SLC25A42: variants seen among roughly 807,000 people sequenced by gnomAD.
SLC25A42 encodes solute carrier family 25 member 42, also known as mitochondrial coenzyme A transporter SLC25A42.
A neutral mutation model predicts 34.7 loss-of-function variants in SLC25A42; 19 were observed. The ratio of observed to expected loss-of-function variants is 0.55; its 90% CI spans 0.38 to 0.80. The LOEUF (loss-of-function observed/expected upper bound fraction) is 0.80, where lower values mean the gene tolerates loss of function less well. Among genes scored for constraint, SLC25A42 ranks in the 30% least tolerant of loss-of-function variants. The pLI is 0.00. For missense variants in SLC25A42, 364 were observed against 441.3 expected, an observed-to-expected ratio of 0.82 and a Z score of 1.57; for synonymous variants, 205 against 191.2, an observed-to-expected ratio of 1.07 and a Z score of -0.59.
In SLC25A42 at chr19:19,110,560, G is replaced by T. The variant is rs937321950; in HGVS notation, c.650-9G>T. Reference sequence around the variant, plus strand: ...CGCCTTCACGGCCCTCCCGCCCCTCGCCCTGCAGAGTACAGCGGCCGCCGG... The same window carrying T: ...CGCCTTCACGGCCCTCCCGCCCCTCTCCCTGCAGAGTACAGCGGCCGCCGG... On this transcript the variant is annotated splice_polypyrimidine_tract_variant and intron_variant, in intron 7 of 7. Transcript: ENST00000318596. The T allele has an allele frequency of 3.6e-6, 5 of 1,399,590 alleles. No individual in the cohort carries two copies. Among genetic ancestry groups the T allele is most frequent in the Admixed American group, 3.4e-5 (1 of 29,260 alleles). 86.7% of individuals were successfully genotyped at this position (1,399,590 alleles called of 1,614,324 possible). A position where few individuals can be genotyped will look rare whatever the true frequency, so the allele number is the denominator to read the frequency against.
Position 19,107,980 on chromosome 19 carries a change from T to C in SLC25A42, c.584T>C (p.Leu195Pro). Residue 195 changes from leucine (L) to proline (P), a missense_variant, in exon 7 of 8, where the codon CTG (leucine) becomes CCG (proline). Coordinates refer to ENST00000318596, the MANE Select transcript of SLC25A42 (RefSeq NM_178526.5). ...TACCATGGATTTATGCCCACCGTGC[T>C]GGGGGTCATTCCCTACGCTGGCCTG... ...TLYHGFMPTV[L>P]GVIPYAGLSF... 1 of 1,613,436 alleles carries C rather than the reference T, an allele frequency of 6.2e-7. No individual in the cohort carries two copies. Among genetic ancestry groups the C allele is most frequent in the Non-Finnish European group, 8.5e-7 (1 of 1,179,612 alleles).
At chr19:19,071,010 T>TTTTTTTA (rs397967500) in intron 1 of SLC25A42, among the ~76,000 whole-genome samples, 1 of 147,992 alleles carries the variant, frequency 6.8e-6, no homozygotes, top group African/African-American at 2.5e-5. Context: ...TTTTTTTTTT[T>TTTTTTTA]AATACAGGGT....
rs1168355397 is a variant in SLC25A42, at chr19:19,070,367, G to A, written c.-35+6252G>A. 7.2e-5 allele frequency among the ~76,000 whole-genome samples: 10 copies of A among 138,544 alleles called. 1 individual carries two copies. The highest frequency in any genetic ancestry group is 3.7e-4 in the Admixed American group (5 of 13,392). The allele number at this position is 138,544 out of a possible 152,430, so 90.9% of individuals were successfully genotyped here. A position where few individuals can be genotyped will look rare whatever the true frequency, so the allele number is the denominator to read the frequency against. ...GGCTGGAGTACAATGGTGTGATCTC[G>A]GCTCACCGCAACCTCCACCTCCCAG... is the stretch of plus-strand genomic sequence containing the variant. On this transcript the variant is annotated intron_variant, in intron 1 of 7. Coordinates refer to ENST00000318596, the MANE Select transcript of SLC25A42 (RefSeq NM_178526.5).
chr19:19,101,659 C>T, intron 2 of SLC25A42, 122 bp from the exon 3 acceptor site: 2 of 801,218 alleles, frequency 2.5e-6, no homozygotes, highest in Admixed American at 2.7e-5. Flanking sequence ...GGCCAACATA[C>T]TCAGGGTGGG....
intron 2 of SLC25A42, among the ~76,000 whole-genome samples, chr19:19,100,040 T>C (rs765829850): frequency 1.3e-5 from 2 of 151,620 alleles, no homozygotes; most frequent in Non-Finnish European, 2.9e-5. Context: ...ACTCTGGTCA[T>C]ATTAAAAATA....
At chr19:19,100,529 C>T (rs768309928) in intron 2 of SLC25A42, among the ~76,000 whole-genome samples, 10 of 152,046 alleles carry the variant, frequency 6.6e-5, no homozygotes, top group Non-Finnish European at 1.5e-4. Flanking sequence ...TCACCCTAGC[C>T]TCTGAGTATT....
At chr19:19,093,473 C>T (rs2059748629) in intron 1 of SLC25A42, among the ~76,000 whole-genome samples, 1 of 152,208 alleles carries the variant, frequency 6.6e-6, no homozygotes, top group Non-Finnish European at 1.5e-5. Context: ...ATTAATGGAG[C>T]TCCACACTTT....
intron 1 of SLC25A42, among the ~76,000 whole-genome samples, chr19:19,083,194 C>A (rs907591747): frequency 3.9e-5 from 6 of 152,126 alleles, no homozygotes; most frequent in African/African-American, 1.4e-4. Context: ...AAGTGATCTT[C>A]CCACCTCCCA....
At chr19:19,075,180 C>G (rs149438259) in intron 1 of SLC25A42, among the ~76,000 whole-genome samples, 1 of 151,968 alleles carries the variant, frequency 6.6e-6, no homozygotes, top group Admixed American at 6.6e-5. Flanking sequence ...CTTGTCCTGC[C>G]CTCTCCCAAG....
At chr19:19,107,381 C>G (rs1287461606) in intron 6 of SLC25A42, among the ~76,000 whole-genome samples, 1 of 151,212 alleles carries the variant, frequency 6.6e-6, no homozygotes, top group Non-Finnish European at 1.5e-5. Context: ...GCCTGTAATT[C>G]CAGCACTTTG....
intron 1 of SLC25A42, among the ~76,000 whole-genome samples, chr19:19,093,704 G>A (rs2059749971): frequency 6.6e-6 from 1 of 152,162 alleles, no homozygotes; most frequent in African/African-American, 2.4e-5. Flanking sequence ...TCGAGACAGA[G>A]TCTCGCTGTG....
intron 1 of SLC25A42, among the ~76,000 whole-genome samples, chr19:19,087,977 AGGG>A (rs1023665983): frequency 6.6e-6 from 1 of 152,208 alleles, no homozygotes; most frequent in East Asian, 1.9e-4. Context: ...CTAAGTTGGA[AGGG>A]GGGCCAGTGT....
intron 2 of SLC25A42, 49 bp downstream of exon 2, chr19:19,096,254 T>TTGGGGC: frequency 6.9e-7 from 1 of 1,456,752 alleles, no homozygotes; most frequent in Non-Finnish European, 9.4e-7. Context: ...GGCCCCAGCC[T>TTGGGGC]CCCCACCCCC....
At chr19:19,106,139 C>T in intron 5 of SLC25A42, 130 bp from the exon 6 acceptor site, 1 of 765,212 alleles carries the variant, frequency 1.3e-6, no homozygotes, top group Non-Finnish European at 2.1e-6. Flanking sequence ...GGAAGCCAAA[C>T]CCGCCTCGTG....
At chr19:19,097,148 C>T (rs538244458) in intron 2 of SLC25A42, among the ~76,000 whole-genome samples, 9 of 152,296 alleles carry the variant, frequency 5.9e-5, no homozygotes, top group East Asian at 1.9e-4. Flanking sequence ...AAACACAGAC[C>T]GACCCAGCCC....
chr19:19,091,533 T>C (rs1258825855), intron 1 of SLC25A42, among the ~76,000 whole-genome samples: 1 of 152,040 alleles, frequency 6.6e-6, no homozygotes, highest in Non-Finnish European at 1.5e-5. Context: ...TCAATATTTC[T>C]GCAAAATAGG....
chr19:19,074,743 ATGTG>A lies in SLC25A42; in HGVS notation c.-35+10631_-35+10634del, dbSNP rs538779194. Among the ~76,000 whole-genome samples, 22 of 151,718 alleles carry A rather than the reference ATGTG, an allele frequency of 1.5e-4. 1 individual carries two copies. The South Asian group carries it at 2.3e-3, about 16-fold the overall frequency. ...CGTGTATGTGTGTGTGTGTGAGTGT[ATGTG>A]TGAGCGAGTGTGAGTGTGTGTGTAT... is the stretch of plus-strand genomic sequence containing the variant. On this transcript the variant is annotated intron_variant, in intron 1 of 7. Transcript: ENST00000318596.
intron 6 of SLC25A42, chr19:19,107,026 C>T (rs1332426307): frequency 6.7e-6 from 1 of 148,704 alleles, no homozygotes; most frequent in Admixed American, 6.7e-5. Flanking sequence ...TAAGAATAGA[C>T]CGGGCTTGGG....
At chr19:19,097,308 C>T (rs1048800158) in intron 2 of SLC25A42, among the ~76,000 whole-genome samples, 11 of 152,162 alleles carry the variant, frequency 7.2e-5, no homozygotes, top group South Asian at 4.1e-4. Context: ...GAGCAGCAGG[C>T]GGGCGGGAGG....
Sources: allele counts gnomAD v4.1 joint callset (sites outside exome capture counted in the v4.1 genomes callset), GRCh38; gene constraint gnomAD v4.1.1; transcripts MANE v1.5; gene names NCBI Gene and HGNC (gene_info 2026-07-23, HGNC 2026-07-21).